The following CA5B variants were observed in gnomAD, a reference collection of about 807,000 sequenced individuals.
CA5B encodes carbonic anhydrase 5B.
In CA5B, 15 loss-of-function variants were observed where a neutral mutation model predicts 23.1. The observed-to-expected ratio is 0.65, with a 90% CI of 0.43 to 1.00. CA5B has a LOEUF of 1.00. CA5B is among the 50% of genes least tolerant of loss of function. The probability of loss-of-function intolerance (pLI) is 0.00; values close to 1 mark genes in which losing one functional copy is unlikely to be tolerated. For synonymous variants in CA5B, 84 were observed against 98.5 expected (o/e 0.85, Z 0.87); for missense variants, 236 against 252.2 (o/e 0.94, Z 0.43).
At chrX:15,753,501 T>A (rs779450907) in intron 2 of CA5B, among the ~76,000 whole-genome samples, 1 of 112,165 alleles carries the variant, frequency 8.9e-6, no homozygotes, top group Non-Finnish European at 1.9e-5. Flanking sequence ...AGGTGTCAGA[T>A]CTCTCCTGGA....
Position 15,785,370 on chromosome X carries a change from A to G in CA5B, c.*2706A>G, listed in dbSNP as rs892933447. ...AGAAGGAAATCCTGTCAAATGTACA[A>G]TGTGGATGAACCTTGAAGGCATTAT... On this transcript the variant is annotated 3_prime_UTR_variant, in exon 8 of 8. Coordinates refer to ENST00000318636, the MANE Select transcript of CA5B (RefSeq NM_007220.4). 3 of 112,771 alleles carry G rather than the reference A, an allele frequency of 2.7e-5. No individual in the cohort carries two copies. The highest frequency in any genetic ancestry group is 6.5e-5 in the African/African-American group (2 of 31,004). 9.3% of individuals were successfully genotyped at this position (112,771 alleles called of 1,213,427 possible).
intron 3 of CA5B, among the ~76,000 whole-genome samples, chrX:15,770,911 G>A (rs1202145622): frequency 9.1e-6 from 1 of 109,610 alleles, no homozygotes; most frequent in Non-Finnish European, 1.9e-5. Context: ...GGGACTACAG[G>A]CACCCGCCAC....
chrX:15,774,938 G>A (rs1048067393), intron 5 of CA5B, among the ~76,000 whole-genome samples: 4 of 112,595 alleles, frequency 3.6e-5, no homozygotes, highest in African/African-American at 1.3e-4. Context: ...CTTGAAATGT[G>A]TCTACTGCAG....
chrX:15,753,334 G>C (rs1278976029), intron 2 of CA5B, among the ~76,000 whole-genome samples: 4 of 112,839 alleles, frequency 3.5e-5, no homozygotes, highest in Non-Finnish European at 7.5e-5. Context: ...GGTTGAAAAA[G>C]TTAAGCTTTG....
chrX:15,752,597 C>T (rs533448612), intron 2 of CA5B, among the ~76,000 whole-genome samples: 12 of 110,873 alleles, frequency 1.1e-4, no homozygotes, highest in South Asian at 3.8e-4. Flanking sequence ...TGGTGGTGGG[C>T]GCCTGCAGTC....
At chrX:15,750,933 G>T (rs1462323403) in intron 2 of CA5B, among the ~76,000 whole-genome samples, 1 of 111,665 alleles carries the variant, frequency 9.0e-6, no homozygotes, top group Non-Finnish European at 1.9e-5. Context: ...CAGCATTCCT[G>T]GCCTCTGCCT....
At chrX:15,775,373 T>G in intron 6 of CA5B, 65 bp downstream of exon 6, 1 of 1,130,980 alleles carries the variant, frequency 8.8e-7, no homozygotes, top group Non-Finnish European at 1.2e-6. Context: ...AGCGGAGACA[T>G]TACCAAGGCA....
chrX:15,742,625 C>T (rs1931145352), intron 1 of CA5B, among the ~76,000 whole-genome samples: 1 of 112,854 alleles, frequency 8.9e-6, no homozygotes, highest in South Asian at 3.6e-4. Flanking sequence ...CCTCTCCTCC[C>T]GCCTCGGCCT....
intron 3 of CA5B, among the ~76,000 whole-genome samples, chrX:15,771,676 G>A (rs1335429745): frequency 2.8e-5 from 3 of 107,475 alleles, no homozygotes; most frequent in Admixed American, 1.0e-4. Context: ...GACCTCAGAT[G>A]AGCCACCCGC....
intron 6 of CA5B, 99 bp downstream of exon 6, chrX:15,775,407 G>C: frequency 9.3e-7 from 1 of 1,076,638 alleles, no homozygotes; most frequent in Non-Finnish European, 1.2e-6. Context: ...AGTTTAATTA[G>C]GTGAACTGTA....
chrX:15,751,554 A>G (rs1296901062), intron 2 of CA5B, among the ~76,000 whole-genome samples: 1 of 102,912 alleles, frequency 9.7e-6, no homozygotes, highest in Non-Finnish European at 2.0e-5. Context: ...TTTTTTTTTG[A>G]CAGTTGAAAT....
At chrX:15,744,342 G>A (rs896031898) in intron 1 of CA5B, among the ~76,000 whole-genome samples, 1 of 112,511 alleles carries the variant, frequency 8.9e-6, no homozygotes, top group African/African-American at 3.2e-5. Flanking sequence ...ACCCACCCCC[G>A]ACCAACAGCC....
At chrX:15,752,600 C>T (rs955728867) in intron 2 of CA5B, among the ~76,000 whole-genome samples, 4 of 110,969 alleles carry the variant, frequency 3.6e-5, no homozygotes, top group African/African-American at 1.3e-4. Flanking sequence ...TGGTGGGCGC[C>T]TGCAGTCCCA....
chrX:15,774,618 G>A (rs1168998399), intron 5 of CA5B, among the ~76,000 whole-genome samples: 1 of 111,598 alleles, frequency 9.0e-6, no homozygotes, highest in African/African-American at 3.3e-5. Context: ...CAGATCACTT[G>A]AGGTCAGGAG....
intron 2 of CA5B, among the ~76,000 whole-genome samples, chrX:15,757,698 A>G (rs751407299): frequency 9.8e-6 from 1 of 102,054 alleles, no homozygotes; most frequent in African/African-American, 3.6e-5. Flanking sequence ...ACAGAGCGAG[A>G]CTCCATCTCA....
In CA5B at chrX:15,783,241, T is replaced by A. The variant is rs1157068551; in HGVS notation, c.*577T>A. Reference sequence around the variant, plus strand: ...CTTCCTGGCTGAATATTGGCCATGGTTTTAGATGTATTTTATTTTATAACA... The same window carrying A: ...CTTCCTGGCTGAATATTGGCCATGGATTTAGATGTATTTTATTTTATAACA... On this transcript the variant is annotated 3_prime_UTR_variant, in exon 8 of 8. Coordinates refer to ENST00000318636, the MANE Select transcript of CA5B (RefSeq NM_007220.4). The A allele has an allele frequency of 8.9e-6, 1 of 111,934 alleles. No individual in the cohort carries two copies. The highest frequency in any genetic ancestry group is 1.9e-5 in the Non-Finnish European group (1 of 53,212). 9.2% of individuals were successfully genotyped at this position (111,934 alleles called of 1,213,427 possible).
chrX:15,758,074 G>A (rs1294934599), intron 2 of CA5B, among the ~76,000 whole-genome samples: 3 of 111,480 alleles, frequency 2.7e-5, no homozygotes, highest in Non-Finnish European at 1.9e-5. Flanking sequence ...CCGCTGTTCT[G>A]GGAAAGGTGA....
chrX:15,750,189 A>G (rs1217727832), intron 2 of CA5B, 24 bp downstream of exon 2: 1 of 1,098,371 alleles, frequency 9.1e-7, no homozygotes, highest in East Asian at 3.0e-5. Flanking sequence ...TTCCTTAAAG[A>G]GAACAAAAAG....
At chrX:15,749,942 C>G in intron 1 of CA5B, 29 bp from the exon 2 acceptor site, 2 of 1,093,251 alleles carry the variant, frequency 1.8e-6, no homozygotes, top group Non-Finnish European at 2.5e-6. Context: ...TTGTTTACAG[C>G]TTTCCCTCCT....
Sources: allele counts gnomAD v4.1 joint callset (sites outside exome capture counted in the v4.1 genomes callset), GRCh38; gene constraint gnomAD v4.1.1; transcripts MANE v1.5; gene names NCBI Gene and HGNC (gene_info 2026-07-23, HGNC 2026-07-21).